The following CYP7A1 variants were observed in gnomAD, a reference collection of about 807,000 sequenced individuals.
The protein encoded by CYP7A1 is cytochrome P450 family 7 subfamily A member 1.
In CYP7A1, 28 loss-of-function variants were observed where a neutral mutation model predicts 43.8. That is an observed-to-expected ratio of 0.64 (90% confidence interval 0.47 to 0.88). The LOEUF is 0.88. CYP7A1 is among the 40% of genes least tolerant of loss of function. The probability of loss-of-function intolerance (pLI) is 0.00; values close to 1 mark genes in which losing one functional copy is unlikely to be tolerated. For missense variants in CYP7A1, 637 were observed against 611.9 expected, an observed-to-expected ratio of 1.04 and a Z score of -0.43; for synonymous variants, 227 against 222.5, an observed-to-expected ratio of 1.02 and a Z score of -0.18.
In CYP7A1 at chr8:58,496,765, C is replaced by G. The variant is rs767634039; in HGVS notation, c.747G>C (p.Lys249Asn). The G allele has an allele frequency of 6.2e-7, 1 of 1,614,220 alleles. No individual in the cohort carries two copies. Among genetic ancestry groups the G allele is most frequent in the African/African-American group, 1.3e-5 (1 of 75,050 alleles). The change falls in exon 3 of 6, where the codon AAG becomes AAC. Residue 249 changes from lysine (K) to asparagine (N), a missense_variant. Physicochemically the swap from Lys to Asn is moderately conservative, Grantham distance 94 (BLOSUM62 0). Coordinates refer to ENST00000301645, the MANE Select transcript of CYP7A1 (RefSeq NM_000780.4). ...TGATCAGTTCTGAGATGCTTTCCCT[C>G]TTTTGGAGGTTCTCGTGCCTCAAGC... The part of the protein sequence containing the change: ...AESLRHENLQ[K>N]RESISELISL...
chr8:58,498,617 T>C (rs1017070074), intron 1 of CYP7A1, 148 bp from the exon 2 acceptor site: 4 of 790,158 alleles, frequency 5.1e-6, no homozygotes, highest in South Asian at 4.7e-5. Context: ...CCTGCTCTTT[T>C]ACTACAGTAA....
chr8:58,492,547 A>G lies in CYP7A1; in HGVS notation c.1040-19T>C. 6.3e-7 allele frequency: 1 copy of G among 1,597,510 alleles called. No individual in the cohort carries two copies. Among genetic ancestry groups the G allele is most frequent in the Non-Finnish European group, 8.6e-7 (1 of 1,166,042 alleles). On this transcript the variant is annotated intron_variant, in intron 4 of 5. Transcript: ENST00000301645. ...ATACTATCTAAACATTTTAAAAGAAAAAAAGATAAAAAATGAAAGAAGGAA... is the reference window on the plus strand; with the variant it reads ...ATACTATCTAAACATTTTAAAAGAAGAAAAGATAAAAAATGAAAGAAGGAA...
intron 3 of CYP7A1, among the ~76,000 whole-genome samples, chr8:58,495,825 A>G (rs544185337): frequency 6.6e-6 from 1 of 152,360 alleles, no homozygotes; most frequent in South Asian, 2.1e-4. Context: ...ATTTTATAAG[A>G]CCTAAAGTCA....
At chr8:58,499,928 G>T in intron 1 of CYP7A1, 91 bp downstream of exon 1, 1 of 958,758 alleles carries the variant, frequency 1.0e-6, no homozygotes, top group Non-Finnish European at 1.7e-6. Flanking sequence ...ATATGTGTAA[G>T]TATAGAAAAC....
At position 58,498,311 on chromosome 8, in the gene CYP7A1, G is replaced by T. The variant is rs1809479942; in HGVS notation, c.239C>A (p.Thr80Lys). 1.2e-6 allele frequency: 2 copies of T among 1,614,134 alleles called. No individual in the cohort carries two copies. Among genetic ancestry groups the T allele is most frequent in the Non-Finnish European group, 1.7e-6 (2 of 1,179,992 alleles). ...CACCTTATGGTATGACAAGGGATTTGTGATGAAATGGACATATTTTCCCAT... is the reference window on the plus strand; with the variant it reads ...CACCTTATGGTATGACAAGGGATTTTTGATGAAATGGACATATTTTCCCAT... ...KLMGKYVHFITNPLSYHKVLC... is the reference protein window; with the variant it reads ...KLMGKYVHFIKNPLSYHKVLC... The change falls in exon 2 of 6, where the codon ACA becomes AAA. Residue 80 changes from threonine (T) to lysine (K), a missense_variant. Thr to Lys is a moderately conservative substitution (Grantham distance 78). Coordinates refer to ENST00000301645, the MANE Select transcript of CYP7A1 (RefSeq NM_000780.4).
At position 58,498,112 on chromosome 8, in the gene CYP7A1, G is replaced by A; in HGVS notation, c.321+117C>T. On this transcript the variant is annotated intron_variant, in intron 2 of 5. Transcript: ENST00000301645. ...ATGTTTCTAAGAATCTCCACATAAG[G>A]ATAACTCTCTTCAACACCTTTATCA... The A allele has an allele frequency of 2.6e-6, 3 of 1,144,204 alleles. 1 individual carries two copies. The highest frequency in any genetic ancestry group is 2.8e-5 in the South Asian group (2 of 70,948). 70.9% of individuals were successfully genotyped at this position (1,144,204 alleles called of 1,614,324 possible).
At chr8:58,497,506 T>C (rs76998678) in intron 2 of CYP7A1, among the ~76,000 whole-genome samples, 276 of 152,302 alleles carry the variant, frequency 1.8e-3, no homozygotes, top group African/African-American at 6.4e-3. Flanking sequence ...TTTTATATTA[T>C]TTGTAGATTT....
chr8:58,494,653 G>C lies in CYP7A1; in HGVS notation c.909-17C>G. The C allele has an allele frequency of 6.2e-7, 1 of 1,612,752 alleles. No individual in the cohort carries two copies. The highest frequency in any genetic ancestry group is 1.1e-5 in the South Asian group (1 of 91,068). ...TCTGGGTTCCTATTAAAAGGTAAGA[G>C]AAAACATGTATGTACAGAAAATAAA... On this transcript the variant is annotated splice_polypyrimidine_tract_variant and intron_variant, in intron 3 of 5. Coordinates refer to ENST00000301645, the MANE Select transcript of CYP7A1 (RefSeq NM_000780.4).
At chr8:58,498,556 TTCAAACTTTG>T in intron 1 of CYP7A1, 87 bp from the exon 2 acceptor site, 1 of 1,456,118 alleles carries the variant, frequency 6.9e-7, no homozygotes, top group Admixed American at 1.7e-5. Flanking sequence ...TCCCACTGAC[TTCAAACTTTG>T]AAACCCTATA....
chr8:58,497,108 C>A lies in CYP7A1; in HGVS notation c.404G>T (p.Gly135Val). ...INDTFIKTLQGHALNSLTESM... is the reference protein window; with the variant it reads ...INDTFIKTLQVHALNSLTESM... The stretch of plus-strand genomic sequence containing the variant: ...TTCCGTGAGGGAATTCAAGGCATGG[C>A]CCTGCAGGGTTTTGATGAAAGTGTC... The change falls in exon 3 of 6, where the codon GGC becomes GTC. Residue 135 changes from glycine to valine, a missense_variant. Coordinates refer to ENST00000301645, the MANE Select transcript of CYP7A1 (RefSeq NM_000780.4). 6.2e-7 allele frequency: 1 copy of A among 1,600,342 alleles called. No homozygotes were observed. The highest frequency in any genetic ancestry group is 8.5e-7 in the Non-Finnish European group (1 of 1,179,948).
chr8:58,492,471 G>A lies in CYP7A1; in HGVS notation c.1097C>T (p.Ala366Val), dbSNP rs1168837944. 1 of 1,613,864 alleles carries A rather than the reference G, an allele frequency of 6.2e-7. No individual in the cohort carries two copies. Among genetic ancestry groups the A allele is most frequent in the Non-Finnish European group, 8.5e-7 (1 of 1,179,904 alleles). ...LSSASLNIRT[A>V]KEDFTLHLED... ...AAGGTGCAAAGTGAAATCCTCCTTA[G>A]CTGTCCGGATGTTGAGGGAGGCACT... is the stretch of plus-strand genomic sequence containing the variant. Residue 366 changes from alanine (A) to valine (V), a missense_variant, in exon 5 of 6, where the codon GCT (alanine) becomes GTT (valine). Coordinates refer to ENST00000301645, the MANE Select transcript of CYP7A1 (RefSeq NM_000780.4).
chr8:58,492,140 T>G (rs1809361508), intron 5 of CYP7A1, among the ~76,000 whole-genome samples: 1 of 152,188 alleles, frequency 6.6e-6, no homozygotes, highest in Non-Finnish European at 1.5e-5. Flanking sequence ...AAATATAATC[T>G]AGCAAAGACT....
In CYP7A1 at chr8:58,491,377, C is replaced by T; in HGVS notation, c.*98G>A. The stretch of plus-strand genomic sequence containing the variant: ...CAACATTGGACCTGGTGAATCATTT[C>T]TACCACCACTAAATGCATTTGTCCA... On this transcript the variant is annotated 3_prime_UTR_variant, in exon 6 of 6. Transcript: ENST00000301645. 3 of 1,144,246 alleles carry T rather than the reference C, an allele frequency of 2.6e-6. No homozygotes were observed. The East Asian group carries it at 7.5e-5, about 29-fold the overall frequency. The allele number at this position is 1,144,246 out of a possible 1,614,324, so 70.9% of individuals were successfully genotyped here.
At position 58,498,513 on chromosome 8, in the gene CYP7A1, T is replaced by C. The variant is rs765283240; in HGVS notation, c.81-44A>G. ...TGATAGACATGGATGATTACAGTTT[T>C]GGGTTTTTACTTACATCAGGTTTTA... is the stretch of plus-strand genomic sequence containing the variant. On this transcript the variant is annotated intron_variant, in intron 1 of 5. Transcript: ENST00000301645. 7 of 1,612,388 alleles carry C rather than the reference T, an allele frequency of 4.3e-6. No individual in the cohort carries two copies. The African/African-American group carries it at 9.3e-5, about 22-fold the overall frequency.
In CYP7A1 at chr8:58,491,365, G is replaced by A. The variant is rs1809347548; in HGVS notation, c.*110C>T. ...AGCACTGGTGAACAACATTGGACCTGGTGAATCATTTCTACCACCACTAAA... is the reference window on the plus strand; with the variant it reads ...AGCACTGGTGAACAACATTGGACCTAGTGAATCATTTCTACCACCACTAAA... On this transcript the variant is annotated 3_prime_UTR_variant, in exon 6 of 6. Coordinates refer to ENST00000301645, the MANE Select transcript of CYP7A1 (RefSeq NM_000780.4). 1.9e-6 allele frequency: 2 copies of A among 1,042,274 alleles called. No individual in the cohort carries two copies. Among genetic ancestry groups the A allele is most frequent in the South Asian group, 2.7e-5 (2 of 73,658 alleles). 64.6% of individuals were successfully genotyped at this position (1,042,274 alleles called of 1,614,324 possible).
chr8:58,494,958 AC>A (rs1330155796), intron 3 of CYP7A1, among the ~76,000 whole-genome samples: 1 of 151,806 alleles, frequency 6.6e-6, no homozygotes, highest in Non-Finnish European at 1.5e-5. Flanking sequence ...ACATGGCGAA[AC>A]CCTGTCTCTA....
intron 3 of CYP7A1, among the ~76,000 whole-genome samples, chr8:58,495,142 A>AAAT (rs559014064): frequency 1.3e-5 from 2 of 151,690 alleles, no homozygotes; most frequent in Admixed American, 6.6e-5. Flanking sequence ...TCGAAAAAAA[A>AAAT]AATAATAATA....
Position 58,496,982 on chromosome 8 carries a change from C to T in CYP7A1, c.530G>A (p.Arg177Gln), listed in dbSNP as rs776916391. The T allele has an allele frequency of 3.7e-6, 6 of 1,613,954 alleles. No homozygotes were observed. The highest frequency in any genetic ancestry group is 4.5e-5 in the East Asian group (2 of 44,890). Residue 177 changes from arginine (R) to glutamine (Q), a missense_variant, in exon 3 of 6, where the codon CGA becomes CAA. Physicochemically the swap from Arg to Gln is conservative, Grantham distance 43 (BLOSUM62 1). Transcript: ENST00000301645. ...TAAATACCCAGCTTCAAACATCACT[C>T]GGTAGCAGAAAGAATACATCCCTTC... Reference protein sequence around the residue: ...VTEGMYSFCYRVMFEAGYLTI... With the variant: ...VTEGMYSFCYQVMFEAGYLTI...
At chr8:58,494,136 T>A (rs963380687) in intron 4 of CYP7A1, among the ~76,000 whole-genome samples, 12 of 152,226 alleles carry the variant, frequency 7.9e-5, no homozygotes, top group African/African-American at 2.4e-5. Context: ...TTCTTAATGG[T>A]TCTTTTCCCT....
Sources: allele counts gnomAD v4.1 joint callset (sites outside exome capture counted in the v4.1 genomes callset), GRCh38; gene constraint gnomAD v4.1.1; transcripts MANE v1.5; gene names NCBI Gene and HGNC (gene_info 2026-07-23, HGNC 2026-07-21).